RECQL: variants seen among roughly 807,000 people sequenced by gnomAD.
The protein encoded by RECQL is ATP-dependent DNA helicase Q1.
A neutral mutation model predicts 75.8 loss-of-function variants in RECQL; 73 were observed. The observed-to-expected ratio is 0.96, with a 90% CI of 0.80 to 1.17. RECQL has a LOEUF of 1.17. Among genes scored for constraint, RECQL ranks in the 50% most tolerant of loss-of-function variants. RECQL has a pLI of 0.00. For synonymous variants in RECQL, 248 were observed against 254.4 expected (o/e 0.97, Z 0.24); for missense variants, 699 against 772.1 (o/e 0.91, Z 1.12).
intron 4 of RECQL, among the ~76,000 whole-genome samples, chr12:21,487,508 T>A (rs1035074927): frequency 3.9e-5 from 6 of 152,256 alleles, no homozygotes; most frequent in Non-Finnish European, 7.3e-5. Context: ...TTTACGTTTC[T>A]GTAGTTTGTT....
chr12:21,473,536 A>C lies in RECQL; in HGVS notation c.1447+15T>G. On this transcript the variant is annotated intron_variant, in intron 12 of 14. Coordinates refer to ENST00000444129, the MANE Select transcript of RECQL (RefSeq NM_002907.4). ...CTGTATTAGCCTATAAAGGTTTACA[A>C]AACAACAAACTCACCACTGTCTTTA... 6.2e-7 allele frequency: 1 copy of C among 1,605,434 alleles called. No homozygotes were observed. The highest frequency in any genetic ancestry group is 8.5e-7 in the Non-Finnish European group (1 of 1,172,906).
At chr12:21,490,816 T>C (rs1719864765) in intron 3 of RECQL, among the ~76,000 whole-genome samples, 1 of 152,090 alleles carries the variant, frequency 6.6e-6, no homozygotes, top group South Asian at 2.1e-4. Context: ...GTTGTGCCAC[T>C]GCACTCCAGC....
intron 6 of RECQL, 149 bp from the exon 7 acceptor site, chr12:21,478,118 C>A: frequency 1.6e-6 from 1 of 634,864 alleles, no homozygotes; most frequent in Non-Finnish European, 2.5e-6. Flanking sequence ...GTGTTAGCCT[C>A]TTTGATGGGC....
At chr12:21,487,521 T>A (rs1943328534) in intron 4 of RECQL, among the ~76,000 whole-genome samples, 1 of 152,238 alleles carries the variant, frequency 6.6e-6, no homozygotes, top group Non-Finnish European at 1.5e-5. Flanking sequence ...AGTTTGTTTC[T>A]TAAAACAACC....
chr12:21,497,561 T>C (rs770313135), intron 2 of RECQL, among the ~76,000 whole-genome samples: 2 of 152,168 alleles, frequency 1.3e-5, no homozygotes, highest in Non-Finnish European at 2.9e-5. Flanking sequence ...ACTTGGAAGG[T>C]AGCAAATAGG....
At chr12:21,493,006 T>C (rs1258948044) in intron 2 of RECQL, among the ~76,000 whole-genome samples, 1 of 152,222 alleles carries the variant, frequency 6.6e-6, no homozygotes, top group African/African-American at 2.4e-5. Context: ...GACTCAGGGA[T>C]AGCTGCTTAA....
At chr12:21,479,329 GA>G (rs1943147691) in intron 6 of RECQL, among the ~76,000 whole-genome samples, 1 of 151,140 alleles carries the variant, frequency 6.6e-6, no homozygotes, top group Non-Finnish European at 1.5e-5. Context: ...TATCCTACAG[GA>G]AATGAGGAAT....
At chr12:21,499,045 T>A (rs1438111194) in intron 2 of RECQL, among the ~76,000 whole-genome samples, 1 of 152,212 alleles carries the variant, frequency 6.6e-6, no homozygotes, top group Non-Finnish European at 1.5e-5. Context: ...CGAATAAAGA[T>A]AATTTGTACC....
At position 21,473,178 on chromosome 12, in the gene RECQL, AC is replaced by A. The variant is rs548073163; in HGVS notation, c.1447+372del. Among the ~76,000 whole-genome samples the A allele has an allele frequency of 9.2e-5, 14 of 152,262 alleles. No homozygotes were observed. In the South Asian group the frequency reaches 2.9e-3, roughly 32 times the overall value. On this transcript the variant is annotated intron_variant, in intron 12 of 14. Transcript: ENST00000444129. The stretch of plus-strand genomic sequence containing the variant: ...ATAATATTTTGGTCGGTGATGGACC[AC>A]GTATATGCCAGTGGTCCCAAGAGAT...
At position 21,479,924 on chromosome 12, in the gene RECQL, A is replaced by G. The variant is rs531494173; in HGVS notation, c.701-1955T>C. 2.6e-5 allele frequency among the ~76,000 whole-genome samples: 4 copies of G among 152,356 alleles called. No homozygotes were observed. In the East Asian group the frequency reaches 7.7e-4, roughly 29 times the overall value. On this transcript the variant is annotated intron_variant, in intron 6 of 14. Transcript: ENST00000444129. ...GAGACAGTGCTGGATTTACCCATTC[A>G]TCAATAGATAAATGTTGAACACCTT...
chr12:21,492,646 C>T (rs1470153330), intron 2 of RECQL, among the ~76,000 whole-genome samples: 1 of 152,206 alleles, frequency 6.6e-6, no homozygotes, highest in African/African-American at 2.4e-5. Context: ...AAGCAGCAGC[C>T]AGTTTTACAT....
At chr12:21,471,354 G>T in intron 13 of RECQL, 74 bp downstream of exon 13, 2 of 1,363,164 alleles carry the variant, frequency 1.5e-6, no homozygotes, top group Non-Finnish European at 2.0e-6. Context: ...CTGCAAAACC[G>T]TTTATTCTGT....
chr12:21,477,822 C>A lies in RECQL; in HGVS notation c.848G>T (p.Arg283Met). The change falls in exon 7 of 15, where the codon AGG becomes ATG. Residue 283 changes from arginine (R) to methionine (M), a missense_variant. Physicochemically the swap from Arg to Met is moderately conservative, Grantham distance 91. Transcript: ENST00000444129. ...ACATACCTCATAATATAGATTTGGC[C>A]TATTAAAAGAAGCTGTAAAAGTAAA... ...KCFTFTASFNRPNLYYEVRQK... is the reference protein window; with the variant it reads ...KCFTFTASFNMPNLYYEVRQK... 6.2e-7 allele frequency: 1 copy of A among 1,612,194 alleles called. No individual in the cohort carries two copies. The highest frequency in any genetic ancestry group is 1.1e-5 in the South Asian group (1 of 90,662).
In RECQL at chr12:21,474,957, G is replaced by T. The variant is rs749586645; in HGVS notation, c.1239C>A (p.Asp413Glu). Reference protein sequence around the residue: ...GRAGRDDMKADCILYYGFGDI... With the variant: ...GRAGRDDMKAECILYYGFGDI... ...CTCCAAAGCCGTAGTACAAAATACA[G>T]TCTGCTTTCATGTCATCTCGACCTG... is the stretch of plus-strand genomic sequence containing the variant. The change falls in exon 11 of 15, where the codon GAC (aspartate) becomes GAA (glutamate). Residue 413 changes from aspartate to glutamate, a missense_variant. By Grantham distance (45) the Asp-to-Glu change is conservative. Around this residue, in one of 2 missense-constraint regions of RECQL, gnomAD observed 669 missense variants for 713.5 expected, o/e 0.94. Coordinates refer to ENST00000444129, the MANE Select transcript of RECQL (RefSeq NM_002907.4). 2.5e-6 allele frequency: 4 copies of T among 1,612,648 alleles called. No individual in the cohort carries two copies. In the African/African-American group the frequency reaches 5.3e-5, roughly 22 times the overall value.
intron 6 of RECQL, among the ~76,000 whole-genome samples, chr12:21,483,033 C>T (rs1423783574): frequency 2.0e-5 from 3 of 152,100 alleles, no homozygotes; most frequent in African/African-American, 4.8e-5. Flanking sequence ...ATAAATGCCA[C>T]AAAGATGTCC....
chr12:21,483,346 CA>C, intron 6 of RECQL, 29 bp downstream of exon 6: 1 of 1,525,022 alleles, frequency 6.6e-7, no homozygotes, highest in Non-Finnish European at 9.0e-7. Context: ...TCTATGACAT[CA>C]AAAAGTTTTC....
chr12:21,476,796 G>T, intron 8 of RECQL, 115 bp downstream of exon 8: 1 of 537,454 alleles, frequency 1.9e-6, no homozygotes, highest in Non-Finnish European at 3.2e-6. Context: ...AGTATCTTCT[G>T]CTATACATTA....
At chr12:21,495,877 G>A (rs1943498606) in intron 2 of RECQL, among the ~76,000 whole-genome samples, 1 of 152,220 alleles carries the variant, frequency 6.6e-6, no homozygotes, top group Non-Finnish European at 1.5e-5. Flanking sequence ...GCGGCTGCTA[G>A]TGATATACAG....
intron 4 of RECQL, among the ~76,000 whole-genome samples, chr12:21,486,897 T>G (rs1029523928): frequency 9.2e-5 from 14 of 151,946 alleles, no homozygotes; most frequent in Non-Finnish European, 1.5e-4. Flanking sequence ...GGTCTCAAAC[T>G]CCTGAGCTCA....
Sources: gnomAD v4.1 joint callset for allele counts (sites outside exome capture counted in the v4.1 genomes callset) on GRCh38, gnomAD v4.1.1 for gene constraint, gnomAD v4.1.1 regional missense constraint, MANE v1.5 for transcripts, NCBI Gene and HGNC (gene_info 2026-07-23, HGNC 2026-07-21) for gene names.